The following ATL2 variants were observed in gnomAD, a reference collection of about 807,000 sequenced individuals.
The protein encoded by ATL2 is atlastin-2.
A neutral mutation model predicts 73.9 loss-of-function variants in ATL2; 31 were observed. The observed-to-expected ratio is 0.42, with a 90% CI of 0.32 to 0.57. The LOEUF is 0.57. Ranked by LOEUF, ATL2 falls within the 20% of genes least tolerant of loss-of-function variation. The pLI is 0.14. For missense variants in ATL2, 738 were observed against 702.6 expected, an observed-to-expected ratio of 1.05 and a Z score of -0.57; for synonymous variants, 291 against 237.5, an observed-to-expected ratio of 1.23 and a Z score of -2.07.
At chr2:38,345,252 T>C (rs1198389934) in intron 1 of ATL2, among the ~76,000 whole-genome samples, 1 of 152,222 alleles carries the variant, frequency 6.6e-6, no homozygotes, top group African/African-American at 2.4e-5. Flanking sequence ...ATGACTGTCC[T>C]ACTCTGAGGA....
At chr2:38,328,028 G>GC (rs1668767455) in intron 2 of ATL2, among the ~76,000 whole-genome samples, 1 of 152,130 alleles carries the variant, frequency 6.6e-6, no homozygotes, top group African/African-American at 2.4e-5. Context: ...ACAGACACAG[G>GC]TTAGAAGTAA....
chr2:38,320,175 A>C (rs1668242761), intron 2 of ATL2, among the ~76,000 whole-genome samples: 1 of 152,244 alleles, frequency 6.6e-6, no homozygotes, highest in Non-Finnish European at 1.5e-5. Context: ...GATTTAAACA[A>C]ACCATCTATT....
chr2:38,297,018 T>C (rs912758192), intron 12 of ATL2, among the ~76,000 whole-genome samples: 1 of 152,232 alleles, frequency 6.6e-6, no homozygotes, highest in South Asian at 2.1e-4. Context: ...CATCTTCTAT[T>C]AGAAGATATC....
chr2:38,344,268 C>T (rs1178589775), intron 1 of ATL2, among the ~76,000 whole-genome samples: 1 of 152,086 alleles, frequency 6.6e-6, no homozygotes, highest in African/African-American at 2.4e-5. Context: ...GTAAGCATCA[C>T]CTAGAAAATT....
intron 2 of ATL2, among the ~76,000 whole-genome samples, chr2:38,340,256 G>C (rs913866612): frequency 4.7e-5 from 7 of 149,410 alleles, no homozygotes; most frequent in African/African-American, 1.5e-4. Context: ...GTGGTAGTAA[G>C]GGTGTATACC....
intron 1 of ATL2, among the ~76,000 whole-genome samples, chr2:38,352,616 T>C (rs377008303): frequency 2.8e-4 from 42 of 152,294 alleles, no homozygotes; most frequent in East Asian, 7.7e-4. Context: ...CACTATGCAA[T>C]GCTTAACAGA....
At chr2:38,302,331 C>G (rs1667233302) in intron 9 of ATL2, among the ~76,000 whole-genome samples, 1 of 151,410 alleles carries the variant, frequency 6.6e-6, no homozygotes, top group African/African-American at 2.5e-5. Flanking sequence ...TGATGGCTCA[C>G]ACCTGTAATC....
intron 1 of ATL2, among the ~76,000 whole-genome samples, chr2:38,364,962 T>G (rs1284481473): frequency 2.0e-5 from 3 of 151,662 alleles, no homozygotes; most frequent in African/African-American, 7.3e-5. Context: ...GAGAATGGCG[T>G]GAACCCGGGA....
At position 38,307,665 on chromosome 2, in the gene ATL2, G is replaced by A. The variant is rs180686362; in HGVS notation, c.1071+1714C>T. Among the ~76,000 whole-genome samples, 15 of 152,078 alleles carry A rather than the reference G, an allele frequency of 9.9e-5. No individual in the cohort carries two copies. The East Asian group carries it at 1.6e-3, about 16-fold the overall frequency. On this transcript the variant is annotated intron_variant, in intron 9 of 12. Transcript: ENST00000378954. Reference sequence around the variant, plus strand: ...TTTTGCACATCAGAAAAGTGAAGACGCAACCCACAGACTGGGAGAAGACAT... The same window carrying A: ...TTTTGCACATCAGAAAAGTGAAGACACAACCCACAGACTGGGAGAAGACAT...
At chr2:38,336,665 G>C (rs1669373227) in intron 2 of ATL2, among the ~76,000 whole-genome samples, 1 of 152,182 alleles carries the variant, frequency 6.6e-6, no homozygotes, top group Non-Finnish European at 1.5e-5. Context: ...TTAGAATAAA[G>C]GCTCTGGCAT....
At position 38,294,722 on chromosome 2, in the gene ATL2, G is replaced by A. The variant is rs1442461055; in HGVS notation, c.*1272C>T. 1.3e-5 allele frequency among the ~76,000 whole-genome samples: 2 copies of A among 151,560 alleles called. No homozygotes were observed. The highest frequency in any genetic ancestry group is 2.4e-5 in the African/African-American group (1 of 41,170). On this transcript the variant is annotated 3_prime_UTR_variant, in exon 13 of 13. Transcript: ENST00000378954. The stretch of plus-strand genomic sequence containing the variant: ...TCATAGGTTTTCCCTTATAGAGACA[G>A]ACACAGAAAAGTAACTTTTTACAAG...
At position 38,334,611 on chromosome 2, in the gene ATL2, T is replaced by A. The variant is rs559025986; in HGVS notation, c.363+8657A>T. On this transcript the variant is annotated intron_variant, in intron 2 of 12. Transcript: ENST00000378954. Reference sequence around the variant, plus strand: ...TACTCAGGAGGCTGTGGCAGGAGAATTGCTTGAACCTGGGAGGCGGAGGTT... The same window carrying A: ...TACTCAGGAGGCTGTGGCAGGAGAAATGCTTGAACCTGGGAGGCGGAGGTT... Among the ~76,000 whole-genome samples, 3 of 150,986 alleles carry A rather than the reference T, an allele frequency of 2.0e-5. No individual in the cohort carries two copies. In the East Asian group the frequency reaches 6.0e-4, roughly 30 times the overall value.
At position 38,348,743 on chromosome 2, in the gene ATL2, A is replaced by G. The variant is rs1425677175; in HGVS notation, c.119-5231T>C. ...CATCAGAGTGAACAGGCAACCTACA[A>G]AATGGGAGAAAATTTTCGCAACCTA... On this transcript the variant is annotated intron_variant, in intron 1 of 12. Coordinates refer to ENST00000378954, the MANE Select transcript of ATL2 (RefSeq NM_001135673.4). Among the ~76,000 whole-genome samples, 3 of 151,810 alleles carry G rather than the reference A, an allele frequency of 2.0e-5. No homozygotes were observed. In the East Asian group the frequency reaches 5.8e-4, roughly 29 times the overall value.
At chr2:38,348,066 C>T (rs1042873201) in intron 1 of ATL2, among the ~76,000 whole-genome samples, 1 of 151,832 alleles carries the variant, frequency 6.6e-6, no homozygotes, top group African/African-American at 2.4e-5. Flanking sequence ...TATGCCTGGC[C>T]CTGCCCTTAC....
intron 8 of ATL2, 36 bp downstream of exon 8, chr2:38,310,273 A>G (rs377597782): frequency 1.6e-5 from 25 of 1,604,136 alleles, no homozygotes; most frequent in African/African-American, 8.1e-5. Context: ...CCTCTAATAA[A>G]TAAGTTCAGA....
chr2:38,306,716 A>G (rs1667467445), intron 9 of ATL2, among the ~76,000 whole-genome samples: 1 of 152,236 alleles, frequency 6.6e-6, no homozygotes, highest in Non-Finnish European at 1.5e-5. Flanking sequence ...CATGGTAAAA[A>G]TCCTCAAAAG....
intron 2 of ATL2, among the ~76,000 whole-genome samples, chr2:38,329,122 A>AT (rs1356218080): frequency 2.1e-5 from 3 of 143,404 alleles, no homozygotes; most frequent in African/African-American, 7.8e-5. Context: ...TAGATCATCT[A>AT]TTTAAAAAAA....
At chr2:38,355,136 T>C (rs1170343216) in intron 1 of ATL2, among the ~76,000 whole-genome samples, 2 of 152,162 alleles carry the variant, frequency 1.3e-5, no homozygotes, top group East Asian at 1.9e-4. Flanking sequence ...TATTTCTTTG[T>C]TGTTTTTGAG....
rs1368594903 is a variant in ATL2, at chr2:38,377,128, C to T, written c.118+15G>A. The T allele has an allele frequency of 1.9e-6, 3 of 1,607,328 alleles. No individual in the cohort carries two copies. The highest frequency in any genetic ancestry group is 2.5e-6 in the Non-Finnish European group (3 of 1,177,878). On this transcript the variant is annotated intron_variant, in intron 1 of 12. Coordinates refer to ENST00000378954, the MANE Select transcript of ATL2 (RefSeq NM_001135673.4). ...CCCATCAGGGCCCCGCGGCCTCTGC[C>T]TCGCTGGCCCGTACCTAGGGAGGTC...
Sources: allele counts gnomAD v4.1 joint callset (sites outside exome capture counted in the v4.1 genomes callset), GRCh38; gene constraint gnomAD v4.1.1; transcripts MANE v1.5; gene names NCBI Gene and HGNC (gene_info 2026-07-23, HGNC 2026-07-21).